The following CNTN1 variants were observed in gnomAD, a reference collection of about 807,000 sequenced individuals.
CNTN1 encodes the protein contactin-1.
Under a neutral mutation model 126.4 loss-of-function variants are expected in CNTN1, and 38 were observed. The ratio of observed to expected loss-of-function variants is 0.30; its 90% CI spans 0.23 to 0.39. The LOEUF (loss-of-function observed/expected upper bound fraction) is 0.39, where lower values mean the gene tolerates loss of function less well. Ranked by LOEUF, CNTN1 falls within the 10% of genes least tolerant of loss-of-function variation. CNTN1 has a pLI of 1.00. For synonymous variants in CNTN1, 413 were observed against 422.6 expected (o/e 0.98, Z 0.28); for missense variants, 1,009 against 1,248.4 (o/e 0.81, Z 2.89).
intron 1 of CNTN1, among the ~76,000 whole-genome samples, chr12:40,773,696 CATATATATATATATATATACACAT>C (rs1565716116): frequency 5.0e-5 from 1 of 19,914 alleles, no homozygotes; most frequent in African/African-American, 8.3e-5. Context: ...TATATATACA[CATATATATATATATATATACACAT>C]ATATATATAT....
At chr12:40,894,663 CCTAA>C (rs1438393812) in intron 1 of CNTN1, among the ~76,000 whole-genome samples, 3 of 152,142 alleles carry the variant, frequency 2.0e-5, no homozygotes, top group Admixed American at 6.5e-5. Context: ...TCTTTTAATA[CCTAA>C]CTTTTTATTT....
chr12:40,912,537 AT>A (rs1189756152), intron 3 of CNTN1, among the ~76,000 whole-genome samples: 1 of 152,056 alleles, frequency 6.6e-6, no homozygotes, highest in East Asian at 1.9e-4. Context: ...GCAGTATAAT[AT>A]ATATTTTGTA....
intron 3 of CNTN1, among the ~76,000 whole-genome samples, chr12:40,914,499 A>G (rs1458496451): frequency 6.6e-6 from 1 of 152,188 alleles, no homozygotes; most frequent in Non-Finnish European, 1.5e-5. Flanking sequence ...AACAAAATAC[A>G]TTATGTGACT....
At chr12:40,890,583 A>G (rs1285721743) in intron 1 of CNTN1, among the ~76,000 whole-genome samples, 6 of 152,096 alleles carry the variant, frequency 3.9e-5, no homozygotes, top group African/African-American at 1.2e-4. Flanking sequence ...CCAGAATGTC[A>G]TATAGTTGAA....
intron 23 of CNTN1, among the ~76,000 whole-genome samples, chr12:41,058,797 A>C (rs1949881367): frequency 6.6e-6 from 1 of 152,170 alleles, no homozygotes; most frequent in Admixed American, 6.6e-5. Flanking sequence ...GAACAAGCAC[A>C]ATCTCTTAGA....
chr12:40,710,972 C>G (rs912343597), intron 1 of CNTN1, among the ~76,000 whole-genome samples: 7 of 151,188 alleles, frequency 4.6e-5, no homozygotes, highest in African/African-American at 1.7e-4. Context: ...GGAACCTCTT[C>G]TAGAAGAAGA....
chr12:41,041,234 T>C (rs1269911328), intron 23 of CNTN1, among the ~76,000 whole-genome samples: 1 of 152,198 alleles, frequency 6.6e-6, no homozygotes, highest in Non-Finnish European at 1.5e-5. Flanking sequence ...TTTGCATATA[T>C]TGAACCAGCC....
At chr12:40,881,225 A>T (rs1253560548) in intron 1 of CNTN1, among the ~76,000 whole-genome samples, 1 of 151,954 alleles carries the variant, frequency 6.6e-6, no homozygotes, top group Non-Finnish European at 1.5e-5. Flanking sequence ...AGGGTGTTGT[A>T]TAATAGCACT....
intron 1 of CNTN1, among the ~76,000 whole-genome samples, chr12:40,722,412 T>TA (rs1280118050): frequency 6.6e-6 from 1 of 152,182 alleles, no homozygotes; most frequent in East Asian, 1.9e-4. Context: ...CTAAAAATTA[T>TA]AAAAAATACC....
chr12:40,798,752 G>A (rs775473779), intron 1 of CNTN1, among the ~76,000 whole-genome samples: 2 of 151,880 alleles, frequency 1.3e-5, no homozygotes, highest in Non-Finnish European at 2.9e-5. Flanking sequence ...GGTGGAGGGT[G>A]GGAGGAGGAA....
At chr12:40,876,316 C>A (rs1281892808) in intron 1 of CNTN1, among the ~76,000 whole-genome samples, 3 of 152,040 alleles carry the variant, frequency 2.0e-5, no homozygotes, top group Non-Finnish European at 4.4e-5. Flanking sequence ...AAAAAGCATA[C>A]TTTTCTAATG....
At chr12:41,063,612 C>T (rs1949986730) in intron 23 of CNTN1, among the ~76,000 whole-genome samples, 1 of 152,162 alleles carries the variant, frequency 6.6e-6, no homozygotes, top group Non-Finnish European at 1.5e-5. Context: ...TGAAAGCTAC[C>T]ATCTTCTTAC....
chr12:40,960,998 A>C (rs1453596734), intron 15 of CNTN1, among the ~76,000 whole-genome samples: 1 of 152,084 alleles, frequency 6.6e-6, no homozygotes, highest in Non-Finnish European at 1.5e-5. Context: ...TGTAATATTC[A>C]GAGTGAAGAG....
rs569864484 is a variant in CNTN1, at chr12:40,804,991, G to GT, written c.-76-103365dup. On this transcript the variant is annotated intron_variant, in intron 1 of 23. Transcript: ENST00000551295. ...AAAGATATCACTGCTGTGTCTTCTG[G>GT]TGTACACAGTTACTGACAAAAAAGT... is the stretch of plus-strand genomic sequence containing the variant. Among the ~76,000 whole-genome samples the GT allele has an allele frequency of 1.9e-3, 288 of 151,906 alleles. 2 individuals are homozygous for GT. The highest frequency in any genetic ancestry group is 6.7e-3 in the African/African-American group (279 of 41,450).
At chr12:40,803,494 C>A (rs974779696) in intron 1 of CNTN1, among the ~76,000 whole-genome samples, 1 of 151,910 alleles carries the variant, frequency 6.6e-6, no homozygotes, top group African/African-American at 2.4e-5. Flanking sequence ...GATGTTTTAT[C>A]CTTCTTAGTG....
At chr12:40,721,250 C>A (rs1014197778) in intron 1 of CNTN1, among the ~76,000 whole-genome samples, 1 of 151,958 alleles carries the variant, frequency 6.6e-6, no homozygotes, top group Non-Finnish European at 1.5e-5. Flanking sequence ...TCTCATGTGC[C>A]AGTTTGTCAT....
intron 5 of CNTN1, among the ~76,000 whole-genome samples, chr12:40,923,883 G>A (rs1945538733): frequency 6.6e-6 from 1 of 151,998 alleles, no homozygotes; most frequent in Non-Finnish European, 1.5e-5. Flanking sequence ...TTATAATTTG[G>A]GTGCCGATCA....
At position 41,066,503 on chromosome 12, in the gene CNTN1, A is replaced by C. The variant is rs536333855; in HGVS notation, c.2981-3456A>C. 3.3e-5 allele frequency among the ~76,000 whole-genome samples: 5 copies of C among 152,338 alleles called. No homozygotes were observed. The South Asian group carries it at 1.0e-3, about 32-fold the overall frequency. Reference sequence around the variant, plus strand: ...TGCACTAGGCTTGGTATTAGTCAACACAGCTAAAACATAATTTGGATATCA... The same window carrying C: ...TGCACTAGGCTTGGTATTAGTCAACCCAGCTAAAACATAATTTGGATATCA... On this transcript the variant is annotated intron_variant, in intron 23 of 23. Coordinates refer to ENST00000551295, the MANE Select transcript of CNTN1 (RefSeq NM_001843.4).
chr12:40,847,705 C>T (rs1353182478), intron 1 of CNTN1, among the ~76,000 whole-genome samples: 2 of 152,168 alleles, frequency 1.3e-5, no homozygotes, highest in African/African-American at 4.8e-5. Flanking sequence ...ATATCCCAGG[C>T]ACATTCTTGA....
Sources: gnomAD v4.1 joint callset for allele counts (sites outside exome capture counted in the v4.1 genomes callset) on GRCh38, gnomAD v4.1.1 for gene constraint, MANE v1.5 for transcripts, NCBI Gene and HGNC (gene_info 2026-07-23, HGNC 2026-07-21) for gene names.